Variants in KRT2 observed in about 807,000 individuals in gnomAD.
The protein encoded by KRT2 is keratin 2.
A neutral mutation model predicts 48.5 loss-of-function variants in KRT2; 37 were observed. The ratio of observed to expected loss-of-function variants is 0.76; its 90% CI spans 0.59 to 1.00. The LOEUF is 1.00. KRT2 is among the 50% of genes least tolerant of loss of function. The pLI is 0.00. For missense variants in KRT2, 880 were observed against 815.2 expected (o/e 1.08, Z -0.97); for synonymous variants, 324 against 312.2 (o/e 1.04, Z -0.40).
At chr12:52,650,707 C>T in intron 1 of KRT2, 154 bp from the exon 2 acceptor site, 1 of 706,608 alleles carries the variant, frequency 1.4e-6, no homozygotes, top group East Asian at 2.7e-5. Flanking sequence ...TCTGAGCTCC[C>T]TGCTTTCGCC....
chr12:52,650,703 C>T, intron 1 of KRT2, 150 bp from the exon 2 acceptor site: 4 of 718,840 alleles, frequency 5.6e-6, no homozygotes, highest in Non-Finnish European at 1.0e-5. Flanking sequence ...AGCTTCTGAG[C>T]TCCCTGCTTT....
rs1941199410 is a variant in KRT2, at chr12:52,648,290, G to C, written c.1005C>G (p.Leu335=). The C allele has an allele frequency of 1.9e-6, 3 of 1,614,102 alleles. No homozygotes were observed. The highest frequency in any genetic ancestry group is 2.5e-6 in the Non-Finnish European group (3 of 1,179,956). ...CCAGGTTGCGGCTGTTGTCCATGGAGAGGATGACGTTGGTGTCAGTGACAC... is the reference window on the plus strand; with the variant it reads ...CCAGGTTGCGGCTGTTGTCCATGGACAGGATGACGTTGGTGTCAGTGACAC... ...HQSVTDTNVI[L]SMDNSRNLDL... is the part of the protein sequence containing the mutation. Residue 335 remains leucine, a synonymous_variant, in exon 5 of 9, where the codon CTC becomes CTG. Transcript: ENST00000309680.
intron 8 of KRT2, 35 bp downstream of exon 8, chr12:52,645,500 C>T (rs375425910): frequency 1.2e-6 from 2 of 1,613,964 alleles, no homozygotes; most frequent in African/African-American, 2.7e-5. Flanking sequence ...CCTGACACAA[C>T]ACCCCATGGA....
At chr12:52,648,883 G>A in intron 4 of KRT2, 124 bp downstream of exon 4, 1 of 724,966 alleles carries the variant, frequency 1.4e-6, no homozygotes, top group Non-Finnish European at 2.6e-6. Flanking sequence ...GGCCTGGAAT[G>A]ATGGCAGATT....
rs1487840739 is a variant in KRT2 at position 52,648,988 on chromosome 12, C to A, written c.957+19G>T. ...AGAAGGGTGGGAAGTAAGGGACTGTCCCGGAGCAGCCTCCTTACCGCATCA... is the reference window on the plus strand; with the variant it reads ...AGAAGGGTGGGAAGTAAGGGACTGTACCGGAGCAGCCTCCTTACCGCATCA... On this transcript the variant is annotated intron_variant, in intron 4 of 8. Coordinates refer to ENST00000309680, the MANE Select transcript of KRT2 (RefSeq NM_000423.3). The A allele has an allele frequency of 2.7e-6, 4 of 1,477,924 alleles. No homozygotes were observed. In the East Asian group the frequency reaches 9.0e-5, roughly 33 times the overall value. 91.6% of individuals were successfully genotyped at this position (1,477,924 alleles called of 1,614,324 possible). A position where few individuals can be genotyped will look rare whatever the true frequency, so the allele number is the denominator to read the frequency against.
At chr12:52,648,141 G>T (rs1195110252) in intron 5 of KRT2, 32 bp downstream of exon 5, 1 of 1,611,424 alleles carries the variant, frequency 6.2e-7, no homozygotes, top group East Asian at 2.2e-5. Context: ...ATGGCAGGGA[G>T]CTGTGGCTCT....
At position 52,648,177 on chromosome 12, in the gene KRT2, C is replaced by A. The variant is rs1941196852; in HGVS notation, c.1118G>T (p.Ser373Ile). ...TCCTACATTCCCTCTACTTGCCTTGCTGTGGTACAGGGCCTCCGCTTCTTC... is the reference window on the plus strand; with the variant it reads ...TCCTACATTCCCTCTACTTGCCTTGATGTGGTACAGGGCCTCCGCTTCTTC... ...SKEEAEALYH[S>I]KYEELQVTVG... The change falls in exon 5 of 9, where the codon AGC (serine) becomes ATC (isoleucine). Residue 373 changes from serine to isoleucine, a missense_variant. By Grantham distance (142) the Ser-to-Ile change is moderately radical. Transcript: ENST00000309680. The A allele has an allele frequency of 3.1e-6, 5 of 1,614,190 alleles. No individual in the cohort carries two copies. The highest frequency in any genetic ancestry group is 4.2e-6 in the Non-Finnish European group (5 of 1,180,002).
intron 6 of KRT2, among the ~76,000 whole-genome samples, chr12:52,647,298 C>T (rs1941181410): frequency 1.3e-5 from 2 of 152,208 alleles, no homozygotes; most frequent in South Asian, 2.1e-4. Context: ...TCTGCCTCTA[C>T]CTTTTCTATT....
chr12:52,650,008 A>C (rs1377872843), intron 2 of KRT2, 34 bp from the exon 3 acceptor site: 1 of 1,523,598 alleles, frequency 6.6e-7, no homozygotes, highest in Admixed American at 1.7e-5. Flanking sequence ...CAGTTAGATT[A>C]GTTCCCCTTC....
At chr12:52,651,259 G>A (rs565103319) in intron 1 of KRT2, among the ~76,000 whole-genome samples, 5 of 152,290 alleles carry the variant, frequency 3.3e-5, no homozygotes, top group African/African-American at 1.2e-4. Flanking sequence ...CCTGTCCCAA[G>A]GATCAGTTCA....
In KRT2 at chr12:52,645,230, C is replaced by T; in HGVS notation, c.1709G>A (p.Gly570Glu). ...GCCACCACCAGATCCGTATCTTCCT[C>T]CAGAACCACCGCCAGAGCCATATCC... The part of the protein sequence containing the change: ...GGGYGSGGGS[G>E]GRYGSGGGSK... Residue 570 changes from glycine (G) to glutamate (E), a missense_variant, in exon 9 of 9, where the codon GGA becomes GAA. Physicochemically the swap from Gly to Glu is moderately conservative, Grantham distance 98. Transcript: ENST00000309680. 1 of 1,613,924 alleles carries T rather than the reference C, an allele frequency of 6.2e-7. No homozygotes were observed. Among genetic ancestry groups the T allele is most frequent in the South Asian group, 1.1e-5 (1 of 91,050 alleles).
At chr12:52,650,285 C>A (rs1445234393) in intron 2 of KRT2, 54 bp downstream of exon 2, 1 of 1,478,664 alleles carries the variant, frequency 6.8e-7, no homozygotes, top group Non-Finnish European at 9.5e-7. Context: ...AGGGAGTGAT[C>A]AAATGGCTCA....
chr12:52,649,466 C>T (rs984399465), intron 3 of KRT2, among the ~76,000 whole-genome samples: 2 of 152,168 alleles, frequency 1.3e-5, no homozygotes, highest in African/African-American at 2.4e-5. Flanking sequence ...CTCACCTCTC[C>T]GAAATTTCCC....
intron 4 of KRT2, 28 bp downstream of exon 4, chr12:52,648,979 A>G: frequency 2.2e-6 from 3 of 1,373,608 alleles, no homozygotes; most frequent in Non-Finnish European, 3.1e-6. Flanking sequence ...GTGGGAAGTA[A>G]GGGACTGTCC....
Position 52,645,087 on chromosome 12 carries a change from C to T in KRT2, c.1852G>A (p.Gly618Ser). The change falls in exon 9 of 9, where the codon GGT becomes AGT. Residue 618 changes from glycine (G) to serine (S), a missense_variant. Transcript: ENST00000309680. ...GAGCTACCCTTTACAGAGCTAGAACCCCCACCTCCAGAGCCATATCCTCCT... is the reference window on the plus strand; with the variant it reads ...GAGCTACCCTTTACAGAGCTAGAACTCCCACCTCCAGAGCCATATCCTCCT... ...SGGGYGSGGG[G>S]SSSVKGSSGE... 2 of 1,614,018 alleles carry T rather than the reference C, an allele frequency of 1.2e-6. No homozygotes were observed. The highest frequency in any genetic ancestry group is 2.2e-5 in the East Asian group (1 of 44,868).
At chr12:52,649,752 A>G (rs974574778) in intron 3 of KRT2, among the ~76,000 whole-genome samples, 162 bp downstream of exon 3, 2 of 152,216 alleles carry the variant, frequency 1.3e-5, no homozygotes, top group Non-Finnish European at 2.9e-5. Context: ...AGCTTGACCT[A>G]CAGAGACAAT....
chr12:52,648,854 C>T (rs576631701), intron 4 of KRT2, among the ~76,000 whole-genome samples, 153 bp downstream of exon 4: 73 of 152,250 alleles, frequency 4.8e-4, no homozygotes, highest in African/African-American at 1.7e-3. Context: ...AAGACCTATG[C>T]TATGAAAGCC....
At chr12:52,650,192 T>C (rs552111851) in intron 2 of KRT2, 147 bp downstream of exon 2, 4 of 818,600 alleles carry the variant, frequency 4.9e-6, no homozygotes, top group South Asian at 4.1e-5. Context: ...AGTCTCACTG[T>C]CTTCCTCACA....
chr12:52,647,991 G>T, intron 5 of KRT2, 136 bp from the exon 6 acceptor site: 1 of 1,288,422 alleles, frequency 7.8e-7, no homozygotes, highest in African/African-American at 1.5e-5. Context: ...GCATTCATGA[G>T]AGGTAGGGAC....
Sources: allele counts gnomAD v4.1 joint callset (sites outside exome capture counted in the v4.1 genomes callset), GRCh38; gene constraint gnomAD v4.1.1; transcripts MANE v1.5; gene names NCBI Gene and HGNC (gene_info 2026-07-23, HGNC 2026-07-21).